MYOCD: variants seen among roughly 807,000 people sequenced by gnomAD.
MYOCD encodes the protein myocardin.
MYOCD carries 32 observed loss-of-function variants against 96.1 expected under a neutral mutation model. The observed-to-expected ratio is 0.33, with a 90% CI of 0.25 to 0.45. MYOCD has a LOEUF of 0.45. Among genes scored for constraint, MYOCD ranks in the 20% least tolerant of loss-of-function variants. MYOCD has a pLI of 1.00. For synonymous variants in MYOCD, 469 were observed against 469.0 expected (o/e 1.00, Z 0.00); for missense variants, 1,133 against 1,200.6 (o/e 0.94, Z 0.83).
At chr17:12,734,071 C>T (rs1416210180) in intron 5 of MYOCD, among the ~76,000 whole-genome samples, 1 of 151,454 alleles carries the variant, frequency 6.6e-6, no homozygotes, top group African/African-American at 2.4e-5. Flanking sequence ...AGAAACCACC[C>T]TCTCTCCCCT....
chr17:12,759,518 G>A (rs563966378), intron 12 of MYOCD, among the ~76,000 whole-genome samples: 1 of 152,058 alleles, frequency 6.6e-6, no homozygotes, highest in Non-Finnish European at 1.5e-5. Context: ...ATTGATTACC[G>A]ATACCTATGT....
chr17:12,685,538 G>A (rs750442639), intron 1 of MYOCD, among the ~76,000 whole-genome samples: 13 of 151,826 alleles, frequency 8.6e-5, no homozygotes, highest in African/African-American at 1.7e-4. Flanking sequence ...CCCAGGAGGC[G>A]GAGGTTGCGG....
chr17:12,754,066 GTGTGTGTGTA>G (rs1452407467), intron 10 of MYOCD, among the ~76,000 whole-genome samples: 3 of 134,534 alleles, frequency 2.2e-5, no homozygotes, highest in Admixed American at 1.5e-4. Context: ...AAAGAGGTGT[GTGTGTGTGTA>G]TGTGTGTGTG....
At chr17:12,680,958 C>T (rs576594754) in intron 1 of MYOCD, among the ~76,000 whole-genome samples, 2 of 152,250 alleles carry the variant, frequency 1.3e-5, no homozygotes, top group South Asian at 2.1e-4. Context: ...ATGCCTGCTG[C>T]GTGTGCTAAC....
intron 2 of MYOCD, among the ~76,000 whole-genome samples, chr17:12,711,411 G>A (rs2031476963): frequency 6.6e-6 from 1 of 152,150 alleles, no homozygotes; most frequent in South Asian, 2.1e-4. Context: ...ACCCATCACT[G>A]CCATAGGTCT....
Position 12,744,200 on chromosome 17 carries a change from C to T in MYOCD, c.735C>T (p.Asp245=). 1 of 1,614,084 alleles carries T rather than the reference C, an allele frequency of 6.2e-7. No individual in the cohort carries two copies. Among genetic ancestry groups the T allele is most frequent in the East Asian group, 2.2e-5 (1 of 44,874 alleles). The change falls in exon 8 of 14, where the codon GAC becomes GAT. Residue 245 remains aspartate, a synonymous_variant. Coordinates refer to ENST00000425538, the MANE Select transcript of MYOCD (RefSeq NM_001146312.3). ...CTTTGCAGTCCAAATCCTTGGGTGA[C>T]AGTAAGAACCGCCACAAAAAGCCCA... The part of the protein sequence containing the change: ...HAAVKSKSLG[D]SKNRHKKPKD...
intron 7 of MYOCD, among the ~76,000 whole-genome samples, chr17:12,743,188 C>T (rs2032563120): frequency 6.6e-6 from 1 of 152,134 alleles, no homozygotes; most frequent in Non-Finnish European, 1.5e-5. Context: ...GCAATACATG[C>T]TTTGGGTTCC....
At chr17:12,693,771 AG>A (rs1231098874) in intron 1 of MYOCD, among the ~76,000 whole-genome samples, 1 of 152,100 alleles carries the variant, frequency 6.6e-6, no homozygotes, top group Non-Finnish European at 1.5e-5. Flanking sequence ...TATTCAAATG[AG>A]GAAATCAGAA....
chr17:12,763,210 C>A lies in MYOCD; in HGVS notation c.2527C>A (p.Pro843Thr). 1 of 1,614,080 alleles carries A rather than the reference C, an allele frequency of 6.2e-7. No homozygotes were observed. The highest frequency in any genetic ancestry group is 2.2e-5 in the East Asian group (1 of 44,864). ...ACAAGCCTCTTCAGGCAGCCAGATC[C>A]CCTTTGATCCCTATGCCACCGACAG... Reference protein sequence around the residue: ...FEQASSGSQIPFDPYATDSDE... With the variant: ...FEQASSGSQITFDPYATDSDE... Residue 843 changes from proline to threonine, a missense_variant, in exon 14 of 14, where the codon CCC becomes ACC. Coordinates refer to ENST00000425538, the MANE Select transcript of MYOCD (RefSeq NM_001146312.3).
chr17:12,683,905 A>G (rs1186701272), intron 1 of MYOCD, among the ~76,000 whole-genome samples: 1 of 152,228 alleles, frequency 6.6e-6, no homozygotes, highest in Non-Finnish European at 1.5e-5. Context: ...GAAATGAATG[A>G]ATGGACAAAT....
chr17:12,691,549 T>A (rs1176473203), intron 1 of MYOCD, among the ~76,000 whole-genome samples: 1 of 152,128 alleles, frequency 6.6e-6, no homozygotes, highest in East Asian at 1.9e-4. Flanking sequence ...TGGACAGTGA[T>A]TCTGAGCTGA....
chr17:12,744,749 T>G (rs961633152), intron 8 of MYOCD, among the ~76,000 whole-genome samples: 1 of 152,040 alleles, frequency 6.6e-6, no homozygotes, highest in Non-Finnish European at 1.5e-5. Flanking sequence ...TGTGATAAGG[T>G]TTCACTTATA....
chr17:12,693,290 G>GT (rs1187319524), intron 1 of MYOCD, among the ~76,000 whole-genome samples: 2 of 151,898 alleles, frequency 1.3e-5, no homozygotes, highest in African/African-American at 2.4e-5. Context: ...GGACATTTAT[G>GT]TTTTTTTAAA....
intron 1 of MYOCD, among the ~76,000 whole-genome samples, chr17:12,690,903 G>A (rs2030412957): frequency 6.6e-6 from 1 of 152,172 alleles, no homozygotes; most frequent in Admixed American, 6.5e-5. Flanking sequence ...GTAGCAGAAT[G>A]GGAACTAGAA....
intron 1 of MYOCD, among the ~76,000 whole-genome samples, chr17:12,697,583 C>T (rs947589462): frequency 6.6e-6 from 1 of 151,344 alleles, no homozygotes; most frequent in African/African-American, 2.4e-5. Flanking sequence ...AGGATGATCT[C>T]GATCTCCTGA....
chr17:12,755,625 C>G (rs1467907516), intron 10 of MYOCD, among the ~76,000 whole-genome samples: 1 of 151,890 alleles, frequency 6.6e-6, no homozygotes, highest in Non-Finnish European at 1.5e-5. Context: ...GCCTGTAATC[C>G]CAGCTTGAGA....
intron 9 of MYOCD, 120 bp downstream of exon 9, chr17:12,746,192 A>G: frequency 9.0e-7 from 1 of 1,107,382 alleles, no homozygotes; most frequent in South Asian, 1.6e-5. Context: ...AGACTGTAGG[A>G]AACACTGAAG....
intron 1 of MYOCD, among the ~76,000 whole-genome samples, chr17:12,672,380 G>A (rs12600400): frequency 0.11 from 15,984 of 152,110 alleles, 1,490 homozygotes; most frequent in African/African-American, 0.25. Context: ...GCCTTACGAC[G>A]TTAGTACTTT....
Position 12,733,309 on chromosome 17 carries a change from C to CAA in MYOCD, c.416-2840_416-2839dup, listed in dbSNP as rs10650455. ...TGGGCAACAGAGCAAGACTCCATCT[C>CAA]AAAAAAAAAAAAACAACCAAATAGT... On this transcript the variant is annotated intron_variant, in intron 5 of 13. Coordinates refer to ENST00000425538, the MANE Select transcript of MYOCD (RefSeq NM_001146312.3). Among the ~76,000 whole-genome samples the CAA allele has an allele frequency of 1.3e-3, 169 of 134,904 alleles. 4 individuals carry two copies. Among genetic ancestry groups the CAA allele is most frequent in the African/African-American group, 1.4e-3 (52 of 36,138 alleles). 88.5% of individuals were successfully genotyped at this position (134,904 alleles called of 152,430 possible). A position where few individuals can be genotyped will look rare whatever the true frequency, so the allele number is the denominator to read the frequency against.
Sources: allele counts gnomAD v4.1 joint callset (sites outside exome capture counted in the v4.1 genomes callset), GRCh38; gene constraint gnomAD v4.1.1; transcripts MANE v1.5; gene names NCBI Gene and HGNC (gene_info 2026-07-23, HGNC 2026-07-21).